The following PPFIA2 variants were observed in gnomAD, a reference collection of about 807,000 sequenced individuals.
The protein encoded by PPFIA2 is PPFI scaffold protein A2, also known as liprin-alpha-2.
A neutral mutation model predicts 175.5 loss-of-function variants in PPFIA2; 46 were observed. The ratio of observed to expected loss-of-function variants is 0.26; its 90% CI spans 0.21 to 0.34. The LOEUF (loss-of-function observed/expected upper bound fraction) is 0.34, where lower values mean the gene tolerates loss of function less well. Ranked by LOEUF, PPFIA2 falls within the 10% of genes least tolerant of loss-of-function variation. The pLI, the probability that PPFIA2 is intolerant of heterozygous loss-of-function variation, is 1.00. For missense variants in PPFIA2, 1,179 were observed against 1,506.1 expected, an observed-to-expected ratio of 0.78 and a Z score of 3.60; for synonymous variants, 568 against 511.4, an observed-to-expected ratio of 1.11 and a Z score of -1.49.
chr12:81,423,891 C>G (rs2046717726), intron 7 of PPFIA2, among the ~76,000 whole-genome samples: 2 of 151,954 alleles, frequency 1.3e-5, no homozygotes, highest in Admixed American at 6.6e-5. Flanking sequence ...ATAAACAAAA[C>G]AGTAAAGTTG....
intron 4 of PPFIA2, among the ~76,000 whole-genome samples, chr12:81,617,916 G>A (rs999245804): frequency 1.3e-5 from 2 of 152,230 alleles, no homozygotes; most frequent in South Asian, 2.1e-4. Context: ...GTATGTGACA[G>A]TGGGGAAAGG....
chr12:81,543,530 T>C (rs2066528827), intron 4 of PPFIA2, among the ~76,000 whole-genome samples: 1 of 152,044 alleles, frequency 6.6e-6, no homozygotes, highest in South Asian at 2.1e-4. Flanking sequence ...AATATAGAAA[T>C]CTTACAAAGG....
At chr12:81,489,925 C>G (rs2059251897) in intron 4 of PPFIA2, among the ~76,000 whole-genome samples, 1 of 151,876 alleles carries the variant, frequency 6.6e-6, no homozygotes, top group South Asian at 2.1e-4. Flanking sequence ...TGAATATTCC[C>G]TCAGATAGAA....
At position 81,284,308 on chromosome 12, in the gene PPFIA2, T is replaced by C. The variant is rs1379901876; in HGVS notation, c.2926-5A>G. 1.3e-6 allele frequency: 2 copies of C among 1,576,326 alleles called. No individual in the cohort carries two copies. The highest frequency in any genetic ancestry group is 2.7e-5 in the African/African-American group (2 of 74,098). The stretch of plus-strand genomic sequence containing the variant: ...CACCCAAACGTTGCCTGAAGGCTAG[T>C]GAGGAGGCCCAGAGGGAAGCAGAGG... On this transcript the variant is annotated splice_polypyrimidine_tract_variant and splice_region_variant and intron_variant, in intron 24 of 32. Transcript: ENST00000549396.
At chr12:81,317,704 A>G (rs1029546452) in intron 22 of PPFIA2, among the ~76,000 whole-genome samples, 1 of 151,618 alleles carries the variant, frequency 6.6e-6, no homozygotes, top group Non-Finnish European at 1.5e-5. Context: ...TTCTTTCCTT[A>G]TCCAGCTTCT....
At chr12:81,356,960 C>A (rs1224395647) in intron 16 of PPFIA2, among the ~76,000 whole-genome samples, 2 of 151,922 alleles carry the variant, frequency 1.3e-5, no homozygotes, top group African/African-American at 2.4e-5. Flanking sequence ...AGCAATTGAC[C>A]AGTGTTTTTC....
At chr12:81,658,021 G>A (rs945746577) in intron 4 of PPFIA2, among the ~76,000 whole-genome samples, 1 of 152,092 alleles carries the variant, frequency 6.6e-6, no homozygotes, top group African/African-American at 2.4e-5. Flanking sequence ...TGTAATCCCA[G>A]GGAGTGGGAG....
rs150526826 is a variant in PPFIA2 at position 81,452,449 on chromosome 12, A to C, written c.405+5316T>G. Among the ~76,000 whole-genome samples the C allele has an allele frequency of 8.3e-4, 126 of 152,184 alleles. 1 individual carries two copies. The East Asian group carries it at 0.024, about 29-fold the overall frequency. On this transcript the variant is annotated intron_variant, in intron 5 of 32. Transcript: ENST00000549396. ...TTACTCAACCCACTCCATATCTTTT[A>C]CCCTCAAATATCGTTTAAAATCCCA... is the stretch of plus-strand genomic sequence containing the variant.
intron 4 of PPFIA2, among the ~76,000 whole-genome samples, chr12:81,631,371 G>A (rs1017258107): frequency 6.6e-6 from 1 of 152,046 alleles, no homozygotes; most frequent in African/African-American, 2.4e-5. Flanking sequence ...CAAGAGTCAG[G>A]ATCTAAATTC....
intron 11 of PPFIA2, chr12:81,369,489 T>C: frequency 8.3e-7 from 1 of 1,203,478 alleles, no homozygotes; most frequent in South Asian, 1.6e-5. Flanking sequence ...TTGTCCAATC[T>C]TAAGCTCCTG....
chr12:81,354,811 T>G (rs1174138962), intron 16 of PPFIA2, among the ~76,000 whole-genome samples: 2 of 152,000 alleles, frequency 1.3e-5, no homozygotes, highest in Non-Finnish European at 2.9e-5. Context: ...ACCCAGCTAA[T>G]TTTTGTACTT....
At chr12:81,733,756 T>C (rs946335920) in intron 3 of PPFIA2, among the ~76,000 whole-genome samples, 3 of 151,890 alleles carry the variant, frequency 2.0e-5, no homozygotes, top group African/African-American at 7.2e-5. Flanking sequence ...GTCATATTTC[T>C]ATCACATAGA....
At chr12:81,450,325 T>C (rs1047596029) in intron 5 of PPFIA2, among the ~76,000 whole-genome samples, 18 of 152,296 alleles carry the variant, frequency 1.2e-4, no homozygotes, top group African/African-American at 4.1e-4. Context: ...TTGTAATGAT[T>C]GCCATTCTAA....
At chr12:81,377,991 G>A (rs2036769477) in intron 9 of PPFIA2, 1 of 152,178 alleles carries the variant, frequency 6.6e-6, no homozygotes, top group Non-Finnish European at 1.5e-5. Context: ...TTTTTACAAG[G>A]AGGGGATTTG....
intron 4 of PPFIA2, among the ~76,000 whole-genome samples, chr12:81,516,531 C>T (rs777217414): frequency 3.3e-5 from 5 of 151,972 alleles, no homozygotes; most frequent in Non-Finnish European, 7.4e-5. Context: ...GGGTCCTAAC[C>T]CAATATGACT....
At chr12:81,320,080 C>T (rs1378290356) in intron 22 of PPFIA2, among the ~76,000 whole-genome samples, 10 of 152,026 alleles carry the variant, frequency 6.6e-5, no homozygotes, top group South Asian at 2.1e-4. Context: ...AGGCACTTAA[C>T]GAATATGTAT....
At chr12:81,407,106 TTCATCTACAA>T (rs1277655714) in intron 7 of PPFIA2, among the ~76,000 whole-genome samples, 3 of 152,208 alleles carry the variant, frequency 2.0e-5, no homozygotes, top group Non-Finnish European at 4.4e-5. Context: ...CTTACTCTTG[TTCATCTACAA>T]TCTATTATCC....
intron 4 of PPFIA2, among the ~76,000 whole-genome samples, chr12:81,475,109 A>G (rs924469601): frequency 6.6e-6 from 1 of 152,198 alleles, no homozygotes; most frequent in Non-Finnish European, 1.5e-5. Context: ...CTAAGACAGA[A>G]CACTAGAAGC....
chr12:81,303,153 AC>A (rs1364990698), intron 22 of PPFIA2, among the ~76,000 whole-genome samples: 2 of 152,210 alleles, frequency 1.3e-5, no homozygotes, highest in Admixed American at 1.3e-4. Flanking sequence ...CCAGAATTCA[AC>A]TTTTTTTAAA....
Sources: gnomAD v4.1 joint callset for allele counts (sites outside exome capture counted in the v4.1 genomes callset) on GRCh38, gnomAD v4.1.1 for gene constraint, MANE v1.5 for transcripts, NCBI Gene and HGNC (gene_info 2026-07-23, HGNC 2026-07-21) for gene names.